Variants in KLHL3 observed in about 807,000 individuals in gnomAD.
KLHL3 encodes kelch like family member 3, also known as kelch-like protein 3.
In KLHL3, 19 loss-of-function variants were observed where a neutral mutation model predicts 70.5. That is an observed-to-expected ratio of 0.27 (90% CI 0.19 to 0.40). KLHL3 has a LOEUF of 0.40. KLHL3 is among the 10% of genes least tolerant of loss of function. The pLI, the probability that KLHL3 is intolerant of heterozygous loss-of-function variation, is 1.00. For missense variants in KLHL3, 512 were observed against 771.1 expected (o/e 0.66, Z 3.98); for synonymous variants, 258 against 290.3 (o/e 0.89, Z 1.13).
At chr5:137,649,106 G>C (rs766125639) in intron 8 of KLHL3, among the ~76,000 whole-genome samples, 1 of 152,146 alleles carries the variant, frequency 6.6e-6, no homozygotes, top group Non-Finnish European at 1.5e-5. Flanking sequence ...ACAGGGCCTC[G>C]GGCCAGTCAT....
intron 11 of KLHL3, among the ~76,000 whole-genome samples, chr5:137,636,000 G>A (rs934458198): frequency 6.6e-6 from 1 of 152,104 alleles, no homozygotes; most frequent in African/African-American, 2.4e-5. Context: ...CTACTCTATT[G>A]TTTGATATTC....
intron 8 of KLHL3, among the ~76,000 whole-genome samples, chr5:137,644,133 A>G (rs1339258570): frequency 6.6e-6 from 1 of 152,146 alleles, no homozygotes; most frequent in Admixed American, 6.5e-5. Flanking sequence ...CAATGGCACA[A>G]TCTTGGTTCA....
Position 137,692,345 on chromosome 5 carries a change from G to T in KLHL3, c.466C>A (p.Arg156Ser), listed in dbSNP as rs139384947. ...CAGGTGTGTACATCTGCAAATGCACGGATGCCCAGGCAATTGGTGGGATGC... is the reference window on the plus strand; with the variant it reads ...CAGGTGTGTACATCTGCAAATGCACTGATGCCCAGGCAATTGGTGGGATGC... The part of the protein sequence containing the change: ...QLHPTNCLGI[R>S]AFADVHTCTD... Residue 156 changes from arginine to serine, a missense_variant, in exon 5 of 15, where the codon CGT becomes AGT. Coordinates refer to ENST00000309755, the MANE Select transcript of KLHL3 (RefSeq NM_017415.3). 8.7e-6 allele frequency: 14 copies of T among 1,613,642 alleles called. No homozygotes were observed. The highest frequency in any genetic ancestry group is 2.7e-5 in the African/African-American group (2 of 74,912).
chr5:137,651,985 G>T (rs1459515659), intron 8 of KLHL3, among the ~76,000 whole-genome samples: 1 of 151,838 alleles, frequency 6.6e-6, no homozygotes, highest in East Asian at 1.9e-4. Flanking sequence ...GGAACAACTG[G>T]ACATTCATAT....
At chr5:137,713,268 C>A (rs1436712818) in intron 2 of KLHL3, among the ~76,000 whole-genome samples, 1 of 151,858 alleles carries the variant, frequency 6.6e-6, no homozygotes, top group East Asian at 1.9e-4. Flanking sequence ...AGTTCACGAC[C>A]AGCCTGGACA....
At chr5:137,677,678 AGTT>A in intron 5 of KLHL3, 24 bp from the exon 6 acceptor site, 1 of 1,450,820 alleles carries the variant, frequency 6.9e-7, no homozygotes, top group Non-Finnish European at 9.3e-7. Context: ...AAAAAAAAGA[AGTT>A]AAGAAAACAA....
At chr5:137,678,962 A>G (rs1751955689) in intron 5 of KLHL3, among the ~76,000 whole-genome samples, 1 of 151,964 alleles carries the variant, frequency 6.6e-6, no homozygotes, top group Non-Finnish European at 1.5e-5. Flanking sequence ...AAGGAAACCA[A>G]CTGTCAACAT....
At chr5:137,690,849 C>T (rs1033495975) in intron 5 of KLHL3, among the ~76,000 whole-genome samples, 2 of 152,012 alleles carry the variant, frequency 1.3e-5, no homozygotes, top group African/African-American at 4.8e-5. Flanking sequence ...ACAGGAGACA[C>T]GGAACAGAAT....
At chr5:137,684,860 G>A (rs539392899) in intron 5 of KLHL3, among the ~76,000 whole-genome samples, 1 of 152,328 alleles carries the variant, frequency 6.6e-6, no homozygotes, top group Admixed American at 6.5e-5. Context: ...GCTTCTAAAT[G>A]CGGGACCTAC....
chr5:137,647,291 G>A (rs1277233009), intron 8 of KLHL3, among the ~76,000 whole-genome samples: 2 of 152,162 alleles, frequency 1.3e-5, no homozygotes, highest in Non-Finnish European at 1.5e-5. Context: ...TGGGATTGAA[G>A]GCATGTTGGT....
At chr5:137,640,740 C>A (rs534173823) in intron 8 of KLHL3, among the ~76,000 whole-genome samples, 1 of 152,032 alleles carries the variant, frequency 6.6e-6, no homozygotes, top group Non-Finnish European at 1.5e-5. Context: ...GCCACCCCCC[C>A]CAACTCCTGC....
At chr5:137,682,606 G>A (rs1001311752) in intron 5 of KLHL3, among the ~76,000 whole-genome samples, 1 of 152,148 alleles carries the variant, frequency 6.6e-6, no homozygotes, top group Non-Finnish European at 1.5e-5. Flanking sequence ...CTAGGCTAGA[G>A]GAAGTGATAG....
At chr5:137,713,244 TGCTTGA>T (rs950555297) in intron 2 of KLHL3, among the ~76,000 whole-genome samples, 9 of 151,702 alleles carry the variant, frequency 5.9e-5, no homozygotes, top group African/African-American at 2.2e-4. Flanking sequence ...GCAGGAGGAT[TGCTTGA>T]GCCCAGGAGT....
chr5:137,720,190 C>G (rs1249784007), intron 2 of KLHL3, among the ~76,000 whole-genome samples: 1 of 151,888 alleles, frequency 6.6e-6, no homozygotes, highest in Non-Finnish European at 1.5e-5. Context: ...ATCCCAGCTA[C>G]TCGGGAGGCT....
At chr5:137,653,284 A>G (rs926579438) in intron 8 of KLHL3, among the ~76,000 whole-genome samples, 3 of 152,148 alleles carry the variant, frequency 2.0e-5, no homozygotes, top group African/African-American at 7.2e-5. Context: ...TTAAAAAACT[A>G]TCTTCCAAAG....
intron 13 of KLHL3, among the ~76,000 whole-genome samples, chr5:137,627,793 GA>G (rs1361834467): frequency 6.6e-6 from 1 of 152,158 alleles, no homozygotes. Flanking sequence ...GCAAAGACAG[GA>G]ATACAAAGAA....
chr5:137,650,952 A>G (rs907027519), intron 8 of KLHL3, among the ~76,000 whole-genome samples: 8 of 152,214 alleles, frequency 5.3e-5, no homozygotes, highest in Non-Finnish European at 8.8e-5. Context: ...CCCAGGAACG[A>G]CAACTGGATT....
At position 137,618,908 on chromosome 5, in the gene KLHL3, A is replaced by AAAG. The variant is rs1756316740; in HGVS notation, c.*3189_*3190insCTT. On this transcript the variant is annotated 3_prime_UTR_variant, in exon 15 of 15. Coordinates refer to ENST00000309755, the MANE Select transcript of KLHL3 (RefSeq NM_017415.3). ...TATGGTATTTTTAAAAAAAAAAAAA[A>AAAG]GGCTCATCTACCTGGAGCTACTGAA... 2 of 151,340 alleles carry AAAG rather than the reference A, an allele frequency of 1.3e-5. No individual in the cohort carries two copies. The highest frequency in any genetic ancestry group is 4.8e-5 in the African/African-American group (2 of 41,282). 9.4% of individuals were successfully genotyped at this position (151,340 alleles called of 1,614,324 possible).
At chr5:137,718,567 C>T (rs1224082812) in intron 2 of KLHL3, among the ~76,000 whole-genome samples, 1 of 152,216 alleles carries the variant, frequency 6.6e-6, no homozygotes, top group African/African-American at 2.4e-5. Context: ...ATCTTGTGTA[C>T]ATATCTATTC....
Sources: allele counts gnomAD v4.1 joint callset (sites outside exome capture counted in the v4.1 genomes callset), GRCh38; gene constraint gnomAD v4.1.1; transcripts MANE v1.5; gene names NCBI Gene and HGNC (gene_info 2026-07-23, HGNC 2026-07-21).